ACTR3C: variants seen among roughly 807,000 people sequenced by gnomAD.
ACTR3C encodes actin related protein 3C.
ACTR3C carries 18 observed loss-of-function variants against 26.3 expected under a neutral mutation model. That is an observed-to-expected ratio of 0.68 (90% CI 0.47 to 1.01). ACTR3C has a LOEUF of 1.01. ACTR3C is among the 50% of genes least tolerant of loss of function. The probability of loss-of-function intolerance (pLI) is 0.00; values close to 1 mark genes in which losing one functional copy is unlikely to be tolerated. For missense variants in ACTR3C, 184 were observed against 250.7 expected, an observed-to-expected ratio of 0.73 and a Z score of 1.80; for synonymous variants, 55 against 94.5, an observed-to-expected ratio of 0.58 and a Z score of 2.42.
chr7:150,070,518 A>G, the ACTR3C span, among the ~76,000 whole-genome samples: 9 of 152,166 alleles, frequency 5.9e-5, no homozygotes, highest in East Asian at 1.7e-3. Flanking sequence ...TGGTACTAAC[A>G]TGGCTCACTT....
chr7:150,205,103 G>A, the ACTR3C span, among the ~76,000 whole-genome samples: 2 of 152,172 alleles, frequency 1.3e-5, no homozygotes, highest in African/African-American at 2.4e-5. Flanking sequence ...TGATGCGAAA[G>A]AGCCAGAAAA....
the ACTR3C span, among the ~76,000 whole-genome samples, chr7:150,191,196 C>G: frequency 5.3e-4 from 80 of 152,134 alleles, 1 homozygote; most frequent in Non-Finnish European, 1.6e-4. Flanking sequence ...TTGTGGGTAG[C>G]TATTTTAGTT....
At chr7:150,227,697 T>TTTG in the ACTR3C span, among the ~76,000 whole-genome samples, 2 of 141,070 alleles carry the variant, frequency 1.4e-5, no homozygotes, top group African/African-American at 5.8e-5. Flanking sequence ...GGTTTTTTTT[T>TTTG]TTTGTTTTTT....
At chr7:150,183,566 A>G in the ACTR3C span, among the ~76,000 whole-genome samples, 3 of 149,822 alleles carry the variant, frequency 2.0e-5, no homozygotes, top group African/African-American at 7.7e-5. Context: ...TCTGATCATC[A>G]GCACATGTAA....
chr7:149,954,476 G>A, the ACTR3C span, among the ~76,000 whole-genome samples: 28 of 152,156 alleles, frequency 1.8e-4, no homozygotes, highest in Non-Finnish European at 3.4e-4. Flanking sequence ...CAGTAAACAT[G>A]GAACTGTGTT....
the ACTR3C span, among the ~76,000 whole-genome samples, chr7:150,228,897 T>C: frequency 6.7e-6 from 1 of 149,546 alleles, no homozygotes; most frequent in Non-Finnish European, 1.5e-5. Context: ...TATATATATA[T>C]AGAGAGAGTG....
chr7:149,909,240 C>A, the ACTR3C span, among the ~76,000 whole-genome samples: 1 of 138,316 alleles, frequency 7.2e-6, no homozygotes, highest in South Asian at 2.4e-4. Context: ...ACAATAAAAA[C>A]AGTCATCAGG....
intron 6 of ACTR3C, among the ~76,000 whole-genome samples, chr7:150,279,249 G>A (rs1288993144): frequency 6.6e-6 from 1 of 152,182 alleles, no homozygotes; most frequent in Non-Finnish European, 1.5e-5. Context: ...AGGCTGCAGT[G>A]AGCTGTGATC....
the ACTR3C span, among the ~76,000 whole-genome samples, chr7:150,121,183 C>T: frequency 6.6e-6 from 1 of 152,178 alleles, no homozygotes; most frequent in East Asian, 1.9e-4. Context: ...ACAAGGATGC[C>T]CTCTCTCACC....
chr7:149,885,034 CG>C, the ACTR3C span, among the ~76,000 whole-genome samples: 445 of 152,092 alleles, frequency 2.9e-3, no homozygotes, highest in South Asian at 0.021. Flanking sequence ...AGGGGGAGCA[CG>C]GGAGGGCACT....
At chr7:149,992,396 G>T in the ACTR3C span, among the ~76,000 whole-genome samples, 7 of 152,340 alleles carry the variant, frequency 4.6e-5, no homozygotes, top group East Asian at 1.3e-3. Flanking sequence ...GTTGAAGGAA[G>T]AGCCCATTAG....
the ACTR3C span, among the ~76,000 whole-genome samples, chr7:150,044,132 C>T: frequency 2.3e-3 from 345 of 152,106 alleles, 2 homozygotes; most frequent in African/African-American, 7.9e-3. Context: ...ACTGTATAAC[C>T]TTAAAAAAAC....
At chr7:149,901,642 G>C in the ACTR3C span, among the ~76,000 whole-genome samples, 1 of 151,806 alleles carries the variant, frequency 6.6e-6, no homozygotes, top group Non-Finnish European at 1.5e-5. Context: ...ACAATGGGCC[G>C]GCACAGTGGC....
chr7:149,901,701 G>T, the ACTR3C span, among the ~76,000 whole-genome samples: 3 of 151,870 alleles, frequency 2.0e-5, no homozygotes, highest in Non-Finnish European at 4.4e-5. Flanking sequence ...ATAGCTTGAG[G>T]CCAGGAGTTC....
chr7:150,057,734 T>C, the ACTR3C span, among the ~76,000 whole-genome samples: 1 of 152,250 alleles, frequency 6.6e-6, no homozygotes, highest in African/African-American at 2.4e-5. Flanking sequence ...ACAGTCTTCA[T>C]GATGTTTTTA....
chr7:150,128,771 A>G, the ACTR3C span, among the ~76,000 whole-genome samples: 1 of 151,934 alleles, frequency 6.6e-6, no homozygotes, highest in African/African-American at 2.4e-5. Flanking sequence ...TTTCTACAAT[A>G]AGAACATAGG....
At chr7:150,294,025 T>C (rs566819285) in intron 2 of ACTR3C, among the ~76,000 whole-genome samples, 4 of 152,300 alleles carry the variant, frequency 2.6e-5, no homozygotes, top group African/African-American at 9.6e-5. Flanking sequence ...ATCATAAGAT[T>C]TTAATTTCTA....
chr7:150,030,013 C>T, the ACTR3C span, among the ~76,000 whole-genome samples: 273 of 137,762 alleles, frequency 2.0e-3, 4 homozygotes, highest in African/African-American at 6.9e-3. Context: ...TCCCTCCTCT[C>T]GCTCCCATGG....
chr7:150,278,160 C>T (rs1054250880), intron 6 of ACTR3C, among the ~76,000 whole-genome samples: 1 of 152,200 alleles, frequency 6.6e-6, no homozygotes, highest in African/African-American at 2.4e-5. Context: ...CTCCTTCACC[C>T]TAGTGCTGCA....
Sources: gnomAD v4.1 joint callset for allele counts (sites outside exome capture counted in the v4.1 genomes callset) on GRCh38, gnomAD v4.1.1 for gene constraint, MANE v1.5 for transcripts, NCBI Gene and HGNC (gene_info 2026-07-23, HGNC 2026-07-21) for gene names.